Variants in PCDHA6 observed in about 807,000 individuals in gnomAD.
PCDHA6 encodes the protein protocadherin alpha-6.
In PCDHA6, 55 loss-of-function variants were observed where a neutral mutation model predicts 60.3. That is an observed-to-expected ratio of 0.91 (90% CI 0.73 to 1.14). PCDHA6 has a LOEUF of 1.14. Among genes scored for constraint, PCDHA6 ranks in the 50% most tolerant of loss-of-function variants. PCDHA6 has a pLI of 0.00. For synonymous variants in PCDHA6, 652 were observed against 557.9 expected (o/e 1.17, Z -2.38); for missense variants, 1,327 against 1,256.5 (o/e 1.06, Z -0.85).
chr5:140,875,254 T>C, intron 1 of PCDHA6: 1 of 1,054,680 alleles, frequency 9.5e-7, no homozygotes, highest in Non-Finnish European at 1.3e-6. Flanking sequence ...ATCAGTCACA[T>C]GATGTCGCTC....
chr5:140,928,293 G>GT (rs2085123670), intron 1 of PCDHA6: 1 of 1,614,032 alleles, frequency 6.2e-7, no homozygotes, highest in South Asian at 1.1e-5. Context: ...TAGGCCGAGT[G>GT]TTTGCCCAGG....
rs185057371 is a variant in PCDHA6, at chr5:140,832,952, A to T, written c.2394+2467A>T. Among the ~76,000 whole-genome samples, 141 of 152,318 alleles carry T rather than the reference A, an allele frequency of 9.3e-4. 1 individual carries two copies. Among genetic ancestry groups the T allele is most frequent in the African/African-American group, 3.3e-3 (136 of 41,588 alleles). Reference sequence around the variant, plus strand: ...TGAGAAGAGAGTAACTTAAGTGAGTATACAGAAAATTCCAAATGTACCTAG... The same window carrying T: ...TGAGAAGAGAGTAACTTAAGTGAGTTTACAGAAAATTCCAAATGTACCTAG... On this transcript the variant is annotated intron_variant, in intron 1 of 3. Coordinates refer to ENST00000529310, the MANE Select transcript of PCDHA6 (RefSeq NM_018909.4).
intron 1 of PCDHA6, among the ~76,000 whole-genome samples, chr5:140,972,133 C>T (rs532498360): frequency 2.0e-5 from 3 of 152,072 alleles, no homozygotes; most frequent in East Asian, 3.9e-4. Flanking sequence ...CAGTGAGTTA[C>T]TACTATTTTT....
chr5:140,882,438 C>T (rs782795158), intron 1 of PCDHA6: 5 of 1,614,020 alleles, frequency 3.1e-6, no homozygotes, highest in Non-Finnish European at 4.2e-6. Context: ...CTGGAGCTGG[C>T]GGAGCTGGTG....
chr5:140,868,662 A>G (rs2050574102), intron 1 of PCDHA6: 1 of 163,768 alleles, frequency 6.1e-6, no homozygotes, highest in South Asian at 1.6e-4. Context: ...AGTATTTTAG[A>G]TAAGTAAAAG....
At chr5:140,877,633 C>A (rs1366996546) in intron 1 of PCDHA6, 7 of 1,613,622 alleles carry the variant, frequency 4.3e-6, no homozygotes, top group Non-Finnish European at 5.1e-6. Context: ...GTACACTGCG[C>A]TGCGTTGCTC....
At chr5:140,987,395 G>A (rs1438598842) in intron 3 of PCDHA6, among the ~76,000 whole-genome samples, 1 of 152,166 alleles carries the variant, frequency 6.6e-6, no homozygotes, top group East Asian at 1.9e-4. Flanking sequence ...ATGCAAGGAA[G>A]CCATCTGTTT....
intron 1 of PCDHA6, chr5:140,869,802 G>T: frequency 6.2e-7 from 1 of 1,612,556 alleles, no homozygotes; most frequent in South Asian, 1.1e-5. Flanking sequence ...TCCAAGTCTT[G>T]GATGTCAACG....
chr5:140,945,597 A>G (rs374286655), intron 1 of PCDHA6, among the ~76,000 whole-genome samples: 11 of 152,170 alleles, frequency 7.2e-5, no homozygotes, highest in Non-Finnish European at 1.2e-4. Context: ...CTTCAAAGCT[A>G]TAATAATCAA....
intron 3 of PCDHA6, among the ~76,000 whole-genome samples, chr5:141,000,414 TA>T (rs1441995674): frequency 2.8e-4 from 28 of 99,544 alleles, no homozygotes; most frequent in African/African-American, 3.7e-4. Flanking sequence ...TATATATATA[TA>T]TATATATTTT....
chr5:140,859,100 T>C (rs1372747667), intron 1 of PCDHA6: 1 of 150,268 alleles, frequency 6.7e-6, no homozygotes, highest in East Asian at 1.9e-4. Flanking sequence ...ATTATTCACT[T>C]AGCAGAAGAA....
At chr5:141,000,361 GTCTCTCTC>G (rs148596731) in intron 3 of PCDHA6, among the ~76,000 whole-genome samples, 2,007 of 26,308 alleles carry the variant, frequency 0.076, 129 homozygotes, top group East Asian at 0.15. Context: ...GTCTCTCTCT[GTCTCTCTC>G]TCTCTCTCTC....
intron 3 of PCDHA6, among the ~76,000 whole-genome samples, chr5:140,994,668 G>A (rs2097644296): frequency 6.6e-6 from 1 of 152,118 alleles, no homozygotes; most frequent in Admixed American, 6.5e-5. Context: ...TCACACTACT[G>A]CACTCCAGCC....
intron 1 of PCDHA6, chr5:140,841,917 C>T (rs1777584856): frequency 1.2e-6 from 2 of 1,613,834 alleles, no homozygotes; most frequent in Admixed American, 1.7e-5. Context: ...TTAAGAAAAT[C>T]CTTGGACAGA....
intron 1 of PCDHA6, chr5:140,866,190 G>C (rs1420527547): frequency 6.6e-6 from 1 of 152,128 alleles, no homozygotes; most frequent in African/African-American, 2.4e-5. Context: ...TCAGAAAACT[G>C]TGGTTTCCAA....
At chr5:140,851,140 G>A in intron 1 of PCDHA6, 2 of 1,310,362 alleles carry the variant, frequency 1.5e-6, no homozygotes, top group East Asian at 5.4e-5. Context: ...TGATTAAAGT[G>A]ACATTGAATT....
chr5:140,875,355 T>C (rs909094206), intron 1 of PCDHA6: 8 of 1,446,356 alleles, frequency 5.5e-6, no homozygotes, highest in Non-Finnish European at 7.3e-6. Flanking sequence ...ATGACTGTGA[T>C]GCTGGAAAAA....
intron 1 of PCDHA6, among the ~76,000 whole-genome samples, chr5:140,920,225 G>A (rs80019196): frequency 2.9e-3 from 441 of 151,762 alleles, no homozygotes; most frequent in African/African-American, 0.01. Flanking sequence ...CACATTTATA[G>A]TATTATATAC....
At chr5:140,876,955 G>C in intron 1 of PCDHA6, 1 of 1,613,390 alleles carries the variant, frequency 6.2e-7, no homozygotes, top group Admixed American at 1.7e-5. Flanking sequence ...CTACTCGCTG[G>C]TGGAGCGGCG....
Sources: gnomAD v4.1 joint callset for allele counts (sites outside exome capture counted in the v4.1 genomes callset) on GRCh38, gnomAD v4.1.1 for gene constraint, MANE v1.5 for transcripts, NCBI Gene and HGNC (gene_info 2026-07-23, HGNC 2026-07-21) for gene names.